The following FOXN3 variants were observed in gnomAD, a reference collection of about 807,000 sequenced individuals.
The protein encoded by FOXN3 is forkhead box protein N3.
In FOXN3, 7 loss-of-function variants were observed where a neutral mutation model predicts 38.4. The observed-to-expected ratio is 0.18, with a 90% confidence interval of 0.10 to 0.34. The LOEUF is 0.34. Among genes scored for constraint, FOXN3 ranks in the 10% least tolerant of loss-of-function variants. The pLI is 1.00. For synonymous variants in FOXN3, 230 were observed against 242.2 expected (o/e 0.95, Z 0.47); for missense variants, 456 against 613.4 (o/e 0.74, Z 2.71).
chr14:89,423,492 A>G (rs1891959588), intron 1 of FOXN3, among the ~76,000 whole-genome samples: 1 of 152,236 alleles, frequency 6.6e-6, no homozygotes, highest in Admixed American at 6.5e-5. Context: ...GGTCATAAAT[A>G]AAATTTAAAA....
chr14:89,617,007 C>A (rs998807625), intron 1 of FOXN3, among the ~76,000 whole-genome samples: 1 of 151,798 alleles, frequency 6.6e-6, no homozygotes, highest in Non-Finnish European at 1.5e-5. Flanking sequence ...TGATGACATG[C>A]AGGTTTTGTT....
intron 1 of FOXN3, among the ~76,000 whole-genome samples, chr14:89,591,379 A>C (rs1895946745): frequency 6.6e-6 from 1 of 152,146 alleles, no homozygotes; most frequent in Admixed American, 6.5e-5. Context: ...TCCCCTACAC[A>C]GGAGATTAGG....
intron 4 of FOXN3, among the ~76,000 whole-genome samples, chr14:89,207,485 C>T (rs1034009847): frequency 6.6e-6 from 1 of 152,044 alleles, no homozygotes; most frequent in African/African-American, 2.4e-5. Flanking sequence ...TATTGAAATA[C>T]GTAATGAAAT....
chr14:89,455,529 T>C (rs1423144815), intron 1 of FOXN3, among the ~76,000 whole-genome samples: 1 of 152,200 alleles, frequency 6.6e-6, no homozygotes, highest in Non-Finnish European at 1.5e-5. Flanking sequence ...CCACCCTAAA[T>C]GCCTGCAGCA....
rs537985629 is a variant in FOXN3 at position 89,546,416 on chromosome 14, G to A, written c.-15+72612C>T. ...GCAATCTCGGCTCGCTGCAAGCTCC[G>A]CCTCCCGGGTTCAAGTGATTCTCCT... On this transcript the variant is annotated intron_variant, in intron 1 of 6. Coordinates refer to the FOXN3 transcript ENST00000345097. Among the ~76,000 whole-genome samples the A allele has an allele frequency of 2.0e-4, 26 of 131,462 alleles. No individual in the cohort carries two copies. In the South Asian group the frequency reaches 5.3e-3, roughly 27 times the overall value. 86.2% of individuals were successfully genotyped at this position (131,462 alleles called of 152,430 possible). A position where few individuals can be genotyped will look rare whatever the true frequency, so the allele number is the denominator to read the frequency against.
At chr14:89,386,004 C>T (rs1409000398) in intron 2 of FOXN3, among the ~76,000 whole-genome samples, 1 of 152,356 alleles carries the variant, frequency 6.6e-6, no homozygotes, top group Admixed American at 6.5e-5. Context: ...TTCAGACTCA[C>T]AACGGTTCTA....
chr14:89,565,380 T>C (rs1490467492), intron 1 of FOXN3, among the ~76,000 whole-genome samples: 1 of 152,132 alleles, frequency 6.6e-6, no homozygotes, highest in East Asian at 1.9e-4. Flanking sequence ...GGCACTTTTG[T>C]TATGGCAACC....
intron 2 of FOXN3, among the ~76,000 whole-genome samples, chr14:89,396,898 T>C (rs1891114881): frequency 6.6e-6 from 1 of 151,674 alleles, no homozygotes; most frequent in Admixed American, 6.6e-5. Flanking sequence ...TTTTTCCTTA[T>C]TTGTTAGTGC....
chr14:89,312,041 T>C (rs901298088), intron 3 of FOXN3, among the ~76,000 whole-genome samples: 1 of 151,892 alleles, frequency 6.6e-6, no homozygotes, highest in Admixed American at 6.6e-5. Context: ...TGCCAGCACT[T>C]GGGGAGGCCG....
intron 1 of FOXN3, among the ~76,000 whole-genome samples, chr14:89,424,360 A>ACCCTC (rs1891978650): frequency 6.6e-6 from 1 of 152,200 alleles, no homozygotes; most frequent in Non-Finnish European, 1.5e-5. Flanking sequence ...GCATTCTGTG[A>ACCCTC]TCTTTTCAAT....
At position 89,465,316 on chromosome 14, in the gene FOXN3, G is replaced by A. The variant is rs559094355; in HGVS notation, c.-14-52826C>T. ...ACGATCTTGGCTCACTGCAACCTCC[G>A]CCTCCCAGGTTCAAGCGATTCTCCT... On this transcript the variant is annotated intron_variant, in intron 1 of 6. Coordinates refer to the FOXN3 transcript ENST00000345097. Among the ~76,000 whole-genome samples, 66 of 152,074 alleles carry A rather than the reference G, an allele frequency of 4.3e-4. 1 individual carries two copies. The highest frequency in any genetic ancestry group is 1.4e-3 in the East Asian group (7 of 5,142).
At position 89,309,984 on chromosome 14, in the gene FOXN3, T is replaced by C. The variant is rs146577345; in HGVS notation, c.681-28970A>G. Among the ~76,000 whole-genome samples the C allele has an allele frequency of 3.2e-3, 487 of 152,230 alleles. 1 individual carries two copies. Among genetic ancestry groups the C allele is most frequent in the East Asian group, 0.011 (55 of 5,176 alleles). On this transcript the variant is annotated intron_variant, in intron 3 of 5. Transcript: ENST00000557258. ...GTATGAACTCTTCTCTGTGTGAAAA[T>C]AGAACGTCGCTAAGTGCCATCCTAC...
At chr14:89,378,543 A>T (rs948330982) in intron 2 of FOXN3, among the ~76,000 whole-genome samples, 15 of 152,242 alleles carry the variant, frequency 9.9e-5, no homozygotes, top group Non-Finnish European at 1.8e-4. Flanking sequence ...TCTCCTTGAC[A>T]TAAAAGAAAC....
At chr14:89,165,899 G>T (rs892104406) in intron 5 of FOXN3, among the ~76,000 whole-genome samples, 1 of 152,150 alleles carries the variant, frequency 6.6e-6, no homozygotes, top group African/African-American at 2.4e-5. Context: ...TTTAATAAAT[G>T]GATTCAGTTC....
At chr14:89,190,539 CA>C in intron 4 of FOXN3, 1 of 1,024,208 alleles carries the variant, frequency 9.8e-7, no homozygotes, top group Non-Finnish European at 1.4e-6. Context: ...TTTATGAATG[CA>C]ACAGAGAAAA....
At position 89,610,446 on chromosome 14, in the gene FOXN3, TAAC is replaced by T. The variant is rs1247710473; in HGVS notation, c.-15+8579_-15+8581del. Among the ~76,000 whole-genome samples, 44 of 152,348 alleles carry T rather than the reference TAAC, an allele frequency of 2.9e-4. No homozygotes were observed. The East Asian group carries it at 7.9e-3, about 27-fold the overall frequency. On this transcript the variant is annotated intron_variant, in intron 1 of 6. Transcript: ENST00000345097. ...ACCGCCCACAATGGATCTGACGGGA[TAAC>T]TCACGACTGGCTGCCTTCCCTTCCT... is the stretch of plus-strand genomic sequence containing the variant.
At chr14:89,512,636 T>G (rs74078910) in intron 1 of FOXN3, among the ~76,000 whole-genome samples, 2,692 of 152,348 alleles carry the variant, frequency 0.018, 77 homozygotes, top group African/African-American at 0.061. Flanking sequence ...CATGGAGAAT[T>G]TATGCCTTGC....
chr14:89,574,364 C>T (rs1436959519), intron 1 of FOXN3, among the ~76,000 whole-genome samples: 1 of 152,226 alleles, frequency 6.6e-6, no homozygotes, highest in Non-Finnish European at 1.5e-5. Context: ...TTCCATGGTT[C>T]TAACTTCCAG....
chr14:89,457,002 T>C (rs1206580672), intron 1 of FOXN3, among the ~76,000 whole-genome samples: 1 of 152,194 alleles, frequency 6.6e-6, no homozygotes, highest in Admixed American at 6.5e-5. Context: ...AAATGGGAAG[T>C]AAATTTGTAT....
Sources: allele counts gnomAD v4.1 joint callset (sites outside exome capture counted in the v4.1 genomes callset), GRCh38; gene constraint gnomAD v4.1.1; transcripts MANE v1.5; gene names NCBI Gene and HGNC (gene_info 2026-07-23, HGNC 2026-07-21).